CCDC93: variants seen among roughly 807,000 people sequenced by gnomAD.
CCDC93 encodes the protein CCC complex scaffolding subunit CCDC93.
A neutral mutation model predicts 108.2 loss-of-function variants in CCDC93; 61 were observed. The observed-to-expected ratio is 0.56, with a 90% confidence interval of 0.46 to 0.70. CCDC93 has a LOEUF of 0.70. CCDC93 is among the 30% of genes least tolerant of loss of function. The pLI is 0.00. For missense variants in CCDC93, 685 were observed against 764.2 expected, an observed-to-expected ratio of 0.90 and a Z score of 1.22; for synonymous variants, 276 against 260.4, an observed-to-expected ratio of 1.06 and a Z score of -0.58.
intron 23 of CCDC93, among the ~76,000 whole-genome samples, chr2:117,925,354 AG>A (rs1382469594): frequency 6.6e-6 from 1 of 152,210 alleles, no homozygotes; most frequent in Non-Finnish European, 1.5e-5. Context: ...AAGACCCATC[AG>A]TGTGCTGTAT....
intron 23 of CCDC93, 180 bp downstream of exon 23, chr2:117,930,857 C>T: frequency 2.0e-6 from 1 of 512,630 alleles, no homozygotes. Context: ...AGATGGGCCA[C>T]AGAAAAACGC....
rs1272956747 is a variant in CCDC93 at position 117,984,896 on chromosome 2, C to T, written c.620+1073G>A. ...ACAGGGCCCCATGCTTAGAAGAGTT[C>T]TCACTTGGCTGTTGTTGTTGTCTTT... On this transcript the variant is annotated intron_variant, in intron 7 of 23. Transcript: ENST00000376300. Among the ~76,000 whole-genome samples the T allele has an allele frequency of 2.0e-5, 3 of 152,180 alleles. No homozygotes were observed. In the East Asian group the frequency reaches 5.8e-4, roughly 29 times the overall value.
intron 13 of CCDC93, chr2:117,950,951 T>C (rs952669967): frequency 5.1e-6 from 5 of 985,438 alleles, no homozygotes; most frequent in African/African-American, 1.7e-5. Flanking sequence ...CAGAGCAATG[T>C]TGGCTGCTGT....
At chr2:117,994,562 A>T (rs1460903792) in intron 6 of CCDC93, among the ~76,000 whole-genome samples, 46 of 152,216 alleles carry the variant, frequency 3.0e-4, no homozygotes, top group Admixed American at 3.0e-3. Flanking sequence ...TATTTTTAAG[A>T]TAAGCCAGTT....
At chr2:118,009,989 A>C (rs1676981081) in intron 1 of CCDC93, among the ~76,000 whole-genome samples, 1 of 151,986 alleles carries the variant, frequency 6.6e-6, no homozygotes, top group Non-Finnish European at 1.5e-5. Context: ...CGGTGGCGCA[A>C]TCTCGGCTCA....
chr2:117,972,340 G>C (rs114231127), intron 11 of CCDC93, among the ~76,000 whole-genome samples: 57 of 152,342 alleles, frequency 3.7e-4, no homozygotes, highest in African/African-American at 1.3e-3. Context: ...GTATCCATCA[G>C]AGTTGGATAG....
intron 13 of CCDC93, chr2:117,950,044 G>A: frequency 1.0e-6 from 1 of 985,392 alleles, no homozygotes; most frequent in Non-Finnish European, 1.2e-6. Flanking sequence ...CCACATAGTT[G>A]GTGATACCCA....
chr2:117,986,112 C>T, intron 6 of CCDC93, 43 bp from the exon 7 acceptor site: 1 of 1,195,582 alleles, frequency 8.4e-7, no homozygotes, highest in East Asian at 2.4e-5. Flanking sequence ...TGAGAAGGCT[C>T]TCCTCCTGAA....
chr2:117,941,507 G>C (rs1331905195), intron 18 of CCDC93, among the ~76,000 whole-genome samples: 1 of 152,054 alleles, frequency 6.6e-6, no homozygotes, highest in African/African-American at 2.4e-5. Flanking sequence ...GTGTGACTGT[G>C]AACTGAATCA....
rs1678394682 is a variant in CCDC93 at position 117,932,937 on chromosome 2, A to C, written c.1729-1787T>G. Among the ~76,000 whole-genome samples the C allele has an allele frequency of 2.0e-5, 3 of 152,168 alleles. No homozygotes were observed. The South Asian group carries it at 6.2e-4, about 32-fold the overall frequency. On this transcript the variant is annotated intron_variant, in intron 22 of 23. Transcript: ENST00000376300. ...CTCAGGCCTTTCCTCTCTGCTCTGC[A>C]CTTTAGCAAAACACTTCACCGTGAC...
chr2:117,976,185 AG>A (rs968210558), intron 8 of CCDC93, among the ~76,000 whole-genome samples: 2 of 152,192 alleles, frequency 1.3e-5, no homozygotes, highest in African/African-American at 4.8e-5. Flanking sequence ...ACACATCTAC[AG>A]GGGATGAGAC....
At chr2:117,973,670 G>A (rs1198861754) in intron 11 of CCDC93, among the ~76,000 whole-genome samples, 2 of 152,180 alleles carry the variant, frequency 1.3e-5, no homozygotes, top group Admixed American at 1.3e-4. Context: ...TGCTCTGTGA[G>A]ACAGGTTTTC....
Position 117,916,010 on chromosome 2 carries a change from A to C in CCDC93, c.*4333T>G, listed in dbSNP as rs931394681. ...CAACTTTTTGCTATTACAATGTTTC[A>C]ACAAAAACTCTTGTACACAAGTACC... On this transcript the variant is annotated 3_prime_UTR_variant, in exon 24 of 24. Transcript: ENST00000376300. 1 of 152,232 alleles carries C rather than the reference A, an allele frequency of 6.6e-6. No homozygotes were observed. The highest frequency in any genetic ancestry group is 1.5e-5 in the Non-Finnish European group (1 of 68,034). The allele number at this position is 152,232 out of a possible 1,614,324, so 9.4% of individuals were successfully genotyped here. A position where few individuals can be genotyped will look rare whatever the true frequency, so the allele number is the denominator to read the frequency against.
intron 21 of CCDC93, chr2:117,935,796 A>G (rs1025078961): frequency 2.5e-6 from 1 of 400,214 alleles, no homozygotes; most frequent in Non-Finnish European, 4.4e-6. Context: ...TTATAATTGC[A>G]TGTTAATCTT....
rs117536372 is a variant in CCDC93 at position 117,946,599 on chromosome 2, T to C, written c.1296+212A>G. On this transcript the variant is annotated intron_variant, in intron 16 of 23. Transcript: ENST00000376300. ...TGTAATCTGGTAATTCGTGTCTGGG[T>C]TGCTGCCTTCCACACCCTCTGCTGC... Among the ~76,000 whole-genome samples, 37 of 152,218 alleles carry C rather than the reference T, an allele frequency of 2.4e-4. 1 individual carries two copies. The East Asian group carries it at 6.8e-3, about 28-fold the overall frequency.
At chr2:117,957,422 A>G (rs1679255698) in intron 12 of CCDC93, among the ~76,000 whole-genome samples, 1 of 152,162 alleles carries the variant, frequency 6.6e-6, no homozygotes, top group Non-Finnish European at 1.5e-5. Flanking sequence ...AAAATGATCA[A>G]GTTTCCTCCA....
intron 3 of CCDC93, among the ~76,000 whole-genome samples, chr2:118,006,084 T>A (rs1230445354): frequency 6.6e-6 from 1 of 152,212 alleles, no homozygotes; most frequent in African/African-American, 2.4e-5. Flanking sequence ...CTGTTATTTA[T>A]AAGACCCCTT....
In CCDC93 at chr2:117,958,418, T is replaced by A; in HGVS notation, c.952A>T (p.Lys318Ter). The A allele has an allele frequency of 6.2e-7, 1 of 1,613,938 alleles. No homozygotes were observed. Among genetic ancestry groups the A allele is most frequent in the Non-Finnish European group, 8.5e-7 (1 of 1,179,804 alleles). ...KLGTSQLHRRKVISLNKQIAQ... is the reference protein window; with the variant it reads ...KLGTSQLHRR The stretch of plus-strand genomic sequence containing the variant: ...ATCTGTTTGTTCAAGGAAATGACTT[T>A]CCGGCGATGTAGCTGGGAGGTTCCT... Residue 318 changes from lysine (K) to a stop codon, truncating the protein, a stop_gained, in exon 12 of 24, where the codon AAA (lysine) becomes TAA (stop). Transcript: ENST00000376300. LOFTEE classifies it high-confidence loss of function.
chr2:118,010,614 T>A (rs1002468939), intron 1 of CCDC93, among the ~76,000 whole-genome samples: 2 of 152,184 alleles, frequency 1.3e-5, no homozygotes, highest in Non-Finnish European at 2.9e-5. Context: ...TTTGTTTTGC[T>A]CATCCCTTCC....
Sources: gnomAD v4.1 joint callset for allele counts (sites outside exome capture counted in the v4.1 genomes callset) on GRCh38, gnomAD v4.1.1 for gene constraint, MANE v1.5 for transcripts, NCBI Gene and HGNC (gene_info 2026-07-23, HGNC 2026-07-21) for gene names.